MYO5A: variants seen among roughly 807,000 people sequenced by gnomAD.
The protein encoded by MYO5A is myosin VA, also known as unconventional myosin-Va.
A neutral mutation model predicts 249.7 loss-of-function variants in MYO5A; 98 were observed. The ratio of observed to expected loss-of-function variants is 0.39; its 90% CI spans 0.33 to 0.46. MYO5A has a LOEUF of 0.46. MYO5A is among the 20% of genes least tolerant of loss of function. The pLI is 0.98. For synonymous variants in MYO5A, 778 were observed against 810.6 expected, an observed-to-expected ratio of 0.96 and a Z score of 0.68; for missense variants, 1,696 against 2,308.8, an observed-to-expected ratio of 0.73 and a Z score of 5.44.
At chr15:52,356,829 A>G (rs866478880) in intron 25 of MYO5A, among the ~76,000 whole-genome samples, 6 of 121,468 alleles carry the variant, frequency 4.9e-5, no homozygotes, top group African/African-American at 2.8e-4. Flanking sequence ...ATTTTCAGGA[A>G]TTGTATATTA....
chr15:52,328,169 G>C (rs2038697141), intron 35 of MYO5A, among the ~76,000 whole-genome samples, 163 bp from the exon 36 acceptor site: 2 of 152,116 alleles, frequency 1.3e-5, no homozygotes, highest in African/African-American at 4.8e-5. Flanking sequence ...AAAAATTCTG[G>C]AATGTGGAGC....
At chr15:52,427,210 A>G (rs1236220774) in intron 3 of MYO5A, among the ~76,000 whole-genome samples, 1 of 152,218 alleles carries the variant, frequency 6.6e-6, no homozygotes, top group African/African-American at 2.4e-5. Context: ...GAAGTCGTCC[A>G]TTCAATAAAT....
intron 1 of MYO5A, among the ~76,000 whole-genome samples, chr15:52,518,795 A>G (rs1014546952): frequency 7.9e-5 from 12 of 152,344 alleles, no homozygotes; most frequent in African/African-American, 2.9e-4. Context: ...AAACACATAA[A>G]CATGCTCACA....
chr15:52,379,885 T>G lies in MYO5A; in HGVS notation c.2036A>C (p.Gln679Pro). Residue 679 changes from glutamine (Q) to proline (P), a missense_variant, in exon 17 of 42, where the codon CAG (glutamine) becomes CCG (proline). Gln to Pro is a moderately conservative substitution (Grantham distance 76). This residue lies in a region of MYO5A where 277 missense variants were observed against 422.4 expected (regional missense o/e 0.66). Coordinates refer to ENST00000399233, the MANE Select transcript of MYO5A (RefSeq NM_001382347.1). ...PFTFDEKRAVQQLRACGVLET... is the reference protein window; with the variant it reads ...PFTFDEKRAVPQLRACGVLET... ...CAGGACACCACATGCTCTCAGCTGC[T>G]GCACTGCCCTCTTCTCATCAAACCT... The G allele has an allele frequency of 6.2e-7, 1 of 1,614,098 alleles. No individual in the cohort carries two copies. Among genetic ancestry groups the G allele is most frequent in the Non-Finnish European group, 8.5e-7 (1 of 1,179,944 alleles).
intron 1 of MYO5A, among the ~76,000 whole-genome samples, chr15:52,525,072 C>T (rs2077707005): frequency 6.6e-6 from 1 of 152,056 alleles, no homozygotes; most frequent in Admixed American, 6.6e-5. Flanking sequence ...CTTCTAGTTA[C>T]CAAAAGCACC....
intron 4 of MYO5A, among the ~76,000 whole-genome samples, chr15:52,425,595 G>A (rs1333144892): frequency 6.6e-6 from 1 of 152,122 alleles, no homozygotes; most frequent in African/African-American, 2.4e-5. Flanking sequence ...CCTGACCTCA[G>A]GTAATTCGCC....
At chr15:52,442,758 CTT>C (rs57527294) in intron 1 of MYO5A, among the ~76,000 whole-genome samples, 43,754 of 140,870 alleles carry the variant, frequency 0.31, 8,615 homozygotes, top group East Asian at 0.66. Context: ...CAGTTTTTTT[CTT>C]TTTTTTTTTT....
chr15:52,446,299 G>A (rs1323945952), intron 1 of MYO5A, among the ~76,000 whole-genome samples: 1 of 152,196 alleles, frequency 6.6e-6, no homozygotes, highest in Non-Finnish European at 1.5e-5. Flanking sequence ...AAAAAGCCGG[G>A]GTACAGCTCA....
chr15:52,460,394 C>T (rs2076222368), intron 1 of MYO5A, among the ~76,000 whole-genome samples: 1 of 152,216 alleles, frequency 6.6e-6, no homozygotes, highest in Non-Finnish European at 1.5e-5. Flanking sequence ...TCTACAATCC[C>T]GGCACCTCGG....
chr15:52,325,211 C>A (rs996285648), intron 36 of MYO5A, among the ~76,000 whole-genome samples: 1 of 152,042 alleles, frequency 6.6e-6, no homozygotes, highest in African/African-American at 2.4e-5. Context: ...ACTAAAGCAC[C>A]AATCTAGACT....
intron 1 of MYO5A, among the ~76,000 whole-genome samples, chr15:52,485,195 C>T (rs2076792333): frequency 6.7e-6 from 1 of 150,010 alleles, no homozygotes; most frequent in African/African-American, 2.5e-5. Context: ...AATTATCCTT[C>T]TCTACTAAAG....
chr15:52,519,643 T>C (rs939779308), intron 1 of MYO5A, among the ~76,000 whole-genome samples: 3 of 150,474 alleles, frequency 2.0e-5, no homozygotes, highest in African/African-American at 7.3e-5. Context: ...ATAATAATAA[T>C]ACATGAAAAA....
chr15:52,364,895 C>T (rs1041638302), intron 23 of MYO5A, among the ~76,000 whole-genome samples, 193 bp from the exon 24 acceptor site: 1 of 152,090 alleles, frequency 6.6e-6, no homozygotes, highest in African/African-American at 2.4e-5. Context: ...TTAATAATAA[C>T]AATCATCTAC....
chr15:52,325,599 G>C (rs1170795493), intron 36 of MYO5A, among the ~76,000 whole-genome samples: 1 of 151,686 alleles, frequency 6.6e-6, no homozygotes. Flanking sequence ...ACAGGGTCTC[G>C]CAATGTTGTC....
At chr15:52,502,396 G>C (rs909426987) in intron 1 of MYO5A, among the ~76,000 whole-genome samples, 1 of 152,158 alleles carries the variant, frequency 6.6e-6, no homozygotes. Context: ...GAACAACAGA[G>C]AGTAGAGACA....
At chr15:52,387,461 T>C (rs2600903) in intron 14 of MYO5A, among the ~76,000 whole-genome samples, 135,964 of 152,148 alleles carry the variant, frequency 0.89, 62,587 homozygotes, top group Non-Finnish European at 1. Flanking sequence ...CAAGGCACAA[T>C]AGAGTCTAGA....
Position 52,405,373 on chromosome 15 carries a change from T to A in MYO5A, c.967A>T (p.Met323Leu). ...CCAGCAAGTATTCGGAAAATTCCCA[T>A]TTGATGAGATTCACTAATTCCTGAA... ...TLLGISESHQ[M>L]GIFRILAGIL... Residue 323 changes from methionine to leucine, a missense_variant, in exon 9 of 42, where the codon ATG (methionine) becomes TTG (leucine). Physicochemically the swap from Met to Leu is conservative, Grantham distance 15 (BLOSUM62 2). Coordinates refer to ENST00000399233, the MANE Select transcript of MYO5A (RefSeq NM_001382347.1). 6.2e-7 allele frequency: 1 copy of A among 1,611,950 alleles called. No individual in the cohort carries two copies. Among genetic ancestry groups the A allele is most frequent in the Non-Finnish European group, 8.5e-7 (1 of 1,178,050 alleles).
chr15:52,416,488 TATATA>T (rs760290950), intron 4 of MYO5A, among the ~76,000 whole-genome samples, 187 bp from the exon 5 acceptor site: 1 of 140,566 alleles, frequency 7.1e-6, no homozygotes. Context: ...GCAGGATATA[TATATA>T]TTTTTTTTAA....
intron 1 of MYO5A, among the ~76,000 whole-genome samples, chr15:52,437,293 T>C (rs1184826478): frequency 6.6e-6 from 1 of 152,094 alleles, no homozygotes; most frequent in Non-Finnish European, 1.5e-5. Flanking sequence ...GATATATAAA[T>C]ATAAAGAGAT....
Sources: allele counts gnomAD v4.1 joint callset (sites outside exome capture counted in the v4.1 genomes callset), GRCh38; gene constraint gnomAD v4.1.1; regional missense constraint gnomAD v4.1.1; transcripts MANE v1.5; gene names NCBI Gene and HGNC (gene_info 2026-07-23, HGNC 2026-07-21).